Variants in SLC25A21 observed in about 807,000 individuals in gnomAD.
SLC25A21 encodes the protein solute carrier family 25 member 21.
SLC25A21 carries 47 observed loss-of-function variants against 43.8 expected under a neutral mutation model. The observed-to-expected ratio is 1.07, with a 90% CI of 0.85 to 1.37. The LOEUF (loss-of-function observed/expected upper bound fraction) is 1.37, where lower values mean the gene tolerates loss of function less well. SLC25A21 is among the 40% of genes most tolerant of loss of function. The pLI is 0.00. For synonymous variants in SLC25A21, 131 were observed against 121.3 expected (o/e 1.08, Z -0.52); for missense variants, 352 against 350.2 (o/e 1.00, Z -0.04).
At chr14:36,945,635 C>T (rs1382604816) in intron 1 of SLC25A21, among the ~76,000 whole-genome samples, 1 of 152,184 alleles carries the variant, frequency 6.6e-6, no homozygotes. Context: ...TGTGCAATTC[C>T]ACTTATATAT....
chr14:36,708,060 G>A (rs1274133715), intron 7 of SLC25A21, among the ~76,000 whole-genome samples: 2 of 152,140 alleles, frequency 1.3e-5, no homozygotes, highest in Non-Finnish European at 2.9e-5. Context: ...CCAAAAGGTG[G>A]AGGCTCCAGT....
intron 1 of SLC25A21, among the ~76,000 whole-genome samples, chr14:36,967,736 A>G (rs1392057673): frequency 1.3e-5 from 2 of 152,176 alleles, no homozygotes; most frequent in South Asian, 2.1e-4. Context: ...TGGGTACTGG[A>G]GGTACAATGA....
At chr14:37,146,007 C>T (rs867584414) in intron 1 of SLC25A21, among the ~76,000 whole-genome samples, 1 of 152,078 alleles carries the variant, frequency 6.6e-6, no homozygotes, top group Non-Finnish European at 1.5e-5. Context: ...GGCAGGCAAA[C>T]AGCAATGATT....
intron 6 of SLC25A21, among the ~76,000 whole-genome samples, chr14:36,718,744 C>A (rs962621100): frequency 6.6e-6 from 1 of 152,136 alleles, no homozygotes; most frequent in Non-Finnish European, 1.5e-5. Context: ...GAACCAAACC[C>A]TGAGCTAATT....
At position 36,678,711 on chromosome 14, in the gene SLC25A21, A is replaced by G; in HGVS notation, c.*1947T>C. 2 of 1,220,440 alleles carry G rather than the reference A, an allele frequency of 1.6e-6. No individual in the cohort carries two copies. Among genetic ancestry groups the G allele is most frequent in the Non-Finnish European group, 2.0e-6 (2 of 976,946 alleles). 75.6% of individuals were successfully genotyped at this position (1,220,440 alleles called of 1,614,324 possible). A position where few individuals can be genotyped will look rare whatever the true frequency, so the allele number is the denominator to read the frequency against. ...AAATAATGTTATTTTCTTTATCTAA[A>G]TTAAGAAATCTCTTGTTATTGTGCT... On this transcript the variant is annotated 3_prime_UTR_variant, in exon 10 of 10. Transcript: ENST00000331299.
intron 4 of SLC25A21, among the ~76,000 whole-genome samples, chr14:36,732,456 C>T (rs1884868500): frequency 6.6e-6 from 1 of 151,966 alleles, no homozygotes; most frequent in South Asian, 2.1e-4. Context: ...GTCTTCTTTT[C>T]CTTTTGCTAA....
At chr14:36,872,484 C>T (rs1196570884) in intron 2 of SLC25A21, among the ~76,000 whole-genome samples, 1 of 152,132 alleles carries the variant, frequency 6.6e-6, no homozygotes, top group Non-Finnish European at 1.5e-5. Context: ...TCTGCTCCTG[C>T]CTACTTGATG....
intron 3 of SLC25A21, among the ~76,000 whole-genome samples, chr14:36,779,540 TAAAC>T (rs1886965985): frequency 7.3e-6 from 1 of 136,868 alleles, no homozygotes; most frequent in African/African-American, 2.6e-5. Context: ...TATATAAGAA[TAAAC>T]ATATTCTTAT....
Position 36,680,383 on chromosome 14 carries a change from G to A in SLC25A21, c.*275C>T. On this transcript the variant is annotated 3_prime_UTR_variant, in exon 10 of 10. Coordinates refer to ENST00000331299, the MANE Select transcript of SLC25A21 (RefSeq NM_030631.4). ...GAGACAAAGTTTCTATTTATTTTATGAAATAAATATATGATTTCTATGCTA... is the reference window on the plus strand; with the variant it reads ...GAGACAAAGTTTCTATTTATTTTATAAAATAAATATATGATTTCTATGCTA... 9 of 1,044,176 alleles carry A rather than the reference G, an allele frequency of 8.6e-6. No homozygotes were observed. Among genetic ancestry groups the A allele is most frequent in the South Asian group, 4.6e-5 (1 of 21,638 alleles). 64.7% of individuals were successfully genotyped at this position (1,044,176 alleles called of 1,614,324 possible).
chr14:36,962,056 G>A (rs929567267), intron 1 of SLC25A21, among the ~76,000 whole-genome samples: 5 of 152,154 alleles, frequency 3.3e-5, no homozygotes, highest in African/African-American at 1.2e-4. Flanking sequence ...CAACTGCAGC[G>A]ACTTCCAAGG....
chr14:36,992,075 A>G (rs909840754), intron 1 of SLC25A21, among the ~76,000 whole-genome samples: 2 of 152,224 alleles, frequency 1.3e-5, no homozygotes, highest in Admixed American at 1.3e-4. Context: ...TTTAGTGACT[A>G]TATGTGTGAG....
At chr14:36,999,526 T>C (rs1960441872) in intron 1 of SLC25A21, among the ~76,000 whole-genome samples, 3 of 152,140 alleles carry the variant, frequency 2.0e-5, no homozygotes. Context: ...GTGATAATGA[T>C]GTGGCAATGT....
At chr14:36,791,962 T>G (rs1887502178) in intron 3 of SLC25A21, among the ~76,000 whole-genome samples, 2 of 152,126 alleles carry the variant, frequency 1.3e-5, no homozygotes, top group Admixed American at 1.3e-4. Context: ...TTTTTCTAGC[T>G]TATGAAAATT....
At chr14:36,863,043 A>G (rs1340697267) in intron 2 of SLC25A21, among the ~76,000 whole-genome samples, 1 of 152,172 alleles carries the variant, frequency 6.6e-6, no homozygotes, top group Non-Finnish European at 1.5e-5. Context: ...AGGGGGAGGA[A>G]TGAAGGAAAC....
At chr14:36,780,896 G>C (rs1343814560) in intron 3 of SLC25A21, among the ~76,000 whole-genome samples, 1 of 151,998 alleles carries the variant, frequency 6.6e-6, no homozygotes, top group African/African-American at 2.4e-5. Flanking sequence ...TTTTCTGGAT[G>C]ATCTATCCAT....
intron 2 of SLC25A21, among the ~76,000 whole-genome samples, chr14:36,845,366 A>C (rs1316182861): frequency 6.6e-6 from 1 of 152,256 alleles, no homozygotes; most frequent in Non-Finnish European, 1.5e-5. Flanking sequence ...GGATTGAAAG[A>C]TACAAAGATC....
chr14:37,130,177 T>C (rs1016763563), intron 1 of SLC25A21, among the ~76,000 whole-genome samples: 4 of 151,736 alleles, frequency 2.6e-5, no homozygotes, highest in Admixed American at 6.6e-5. Flanking sequence ...GACAGGAGGA[T>C]TGATTGAGCC....
chr14:36,910,520 T>C (rs1891659683), intron 1 of SLC25A21, among the ~76,000 whole-genome samples: 1 of 152,056 alleles, frequency 6.6e-6, no homozygotes, highest in Non-Finnish European at 1.5e-5. Context: ...GAGAAAAAAA[T>C]AGTGCCTGGA....
At chr14:36,758,545 C>T (rs1460802550) in intron 3 of SLC25A21, among the ~76,000 whole-genome samples, 1 of 136,414 alleles carries the variant, frequency 7.3e-6, no homozygotes, top group Non-Finnish European at 1.5e-5. Flanking sequence ...CAAAACTGCT[C>T]AAGCAGAAAG....
Sources: allele counts gnomAD v4.1 joint callset (sites outside exome capture counted in the v4.1 genomes callset), GRCh38; gene constraint gnomAD v4.1.1; transcripts MANE v1.5; gene names NCBI Gene and HGNC (gene_info 2026-07-23, HGNC 2026-07-21).